Variants in NRG1 observed in about 807,000 individuals in gnomAD.
NRG1 encodes neuregulin 1, also known as pro-neuregulin-1, membrane-bound isoform.
A neutral mutation model predicts 63.8 loss-of-function variants in NRG1; 18 were observed. That is an observed-to-expected ratio of 0.28 (90% CI 0.19 to 0.42). The LOEUF (loss-of-function observed/expected upper bound fraction) is 0.42. Among genes scored for constraint, NRG1 ranks in the 10% least tolerant of loss-of-function variants. The probability of loss-of-function intolerance (pLI) is 1.00; values close to 1 mark genes in which losing one functional copy is unlikely to be tolerated. For synonymous variants in NRG1, 302 were observed against 301.3 expected (o/e 1.00, Z -0.02); for missense variants, 762 against 814.7 (o/e 0.94, Z 0.79).
intron 1 of NRG1, among the ~76,000 whole-genome samples, chr8:32,352,052 C>T (rs1020161614): frequency 1.3e-5 from 2 of 151,746 alleles, no homozygotes; most frequent in African/African-American, 4.8e-5. Flanking sequence ...CATCCAGCTT[C>T]AATCTCTATA....
chr8:32,321,054 A>T (rs1404602165), intron 1 of NRG1, among the ~76,000 whole-genome samples: 1 of 152,152 alleles, frequency 6.6e-6, no homozygotes, highest in Admixed American at 6.5e-5. Flanking sequence ...TCTTCTCAGG[A>T]ATATCCTATG....
At chr8:32,540,674 G>A (rs1220183935) in intron 1 of NRG1, among the ~76,000 whole-genome samples, 1 of 151,982 alleles carries the variant, frequency 6.6e-6, no homozygotes, top group Non-Finnish European at 1.5e-5. Context: ...CATATTCTAG[G>A]CATTCAATTG....
intron 1 of NRG1, among the ~76,000 whole-genome samples, chr8:31,779,181 G>A (rs1173584718): frequency 6.6e-6 from 1 of 152,100 alleles, no homozygotes; most frequent in African/African-American, 2.4e-5. Flanking sequence ...TCTGTTGATT[G>A]GGGTTCATGG....
chr8:32,279,646 C>T (rs1852485940), intron 1 of NRG1, among the ~76,000 whole-genome samples: 1 of 152,198 alleles, frequency 6.6e-6, no homozygotes, highest in African/African-American at 2.4e-5. Flanking sequence ...CCACCACGCC[C>T]GGCCAAGGCT....
At chr8:32,107,444 C>A (rs963063445) in intron 1 of NRG1, among the ~76,000 whole-genome samples, 1 of 152,164 alleles carries the variant, frequency 6.6e-6, no homozygotes, top group Non-Finnish European at 1.5e-5. Context: ...CCCAGCAAAA[C>A]TCCTAGAGAA....
chr8:32,314,339 C>T (rs896156834), intron 1 of NRG1, among the ~76,000 whole-genome samples: 1 of 152,164 alleles, frequency 6.6e-6, no homozygotes, highest in African/African-American at 2.4e-5. Context: ...AAAGTGGAAA[C>T]ATGGATGTCT....
intron 1 of NRG1, among the ~76,000 whole-genome samples, chr8:32,574,749 G>A (rs1839294838): frequency 6.6e-6 from 1 of 152,202 alleles, no homozygotes; most frequent in Admixed American, 6.5e-5. Flanking sequence ...CTGTAGAACT[G>A]TGGGCCAGTT....
At chr8:32,596,040 C>T (rs2129537332) in intron 2 of NRG1, 35 bp downstream of exon 2, 1 of 1,512,618 alleles carries the variant, frequency 6.6e-7, no homozygotes, top group African/African-American at 1.4e-5. Context: ...GAGACTGCCC[C>T]CAGCAATAAG....
chr8:31,705,780 T>C (rs917478899), intron 1 of NRG1, among the ~76,000 whole-genome samples: 1 of 152,208 alleles, frequency 6.6e-6, no homozygotes, highest in Middle Eastern at 3.2e-3. Flanking sequence ...CCACTGAAGC[T>C]ATGTGTATTA....
intron 1 of NRG1, among the ~76,000 whole-genome samples, chr8:31,772,418 C>A (rs897630231): frequency 6.6e-6 from 1 of 152,178 alleles, no homozygotes; most frequent in Non-Finnish European, 1.5e-5. Context: ...CATGCCTTTG[C>A]GGACAGATTC....
At chr8:32,277,746 A>C (rs1385604433) in intron 1 of NRG1, among the ~76,000 whole-genome samples, 1 of 152,196 alleles carries the variant, frequency 6.6e-6, no homozygotes, top group Admixed American at 6.6e-5. Context: ...ATGGTTAAGC[A>C]TTCTGCATAC....
intron 1 of NRG1, among the ~76,000 whole-genome samples, chr8:32,199,305 A>G (rs1056309909): frequency 6.6e-6 from 1 of 152,154 alleles, no homozygotes; most frequent in Non-Finnish European, 1.5e-5. Context: ...AATTCCAGCT[A>G]GATACTTTCT....
At chr8:32,159,537 T>C (rs866987976) in intron 1 of NRG1, among the ~76,000 whole-genome samples, 328 of 125,768 alleles carry the variant, frequency 2.6e-3, no homozygotes, top group African/African-American at 0.012. Context: ...CGAGACTCCG[T>C]CTCAAAAAAA....
At chr8:32,433,390 G>A (rs1011426190) in intron 1 of NRG1, among the ~76,000 whole-genome samples, 2 of 152,130 alleles carry the variant, frequency 1.3e-5, no homozygotes, top group African/African-American at 4.8e-5. Context: ...ATGTCCAGTA[G>A]CAGATCTGTG....
At chr8:32,369,291 G>A (rs1322285496) in intron 1 of NRG1, among the ~76,000 whole-genome samples, 2 of 152,240 alleles carry the variant, frequency 1.3e-5, no homozygotes, top group East Asian at 1.9e-4. Flanking sequence ...ATTGTGCAGT[G>A]TGGGGGAGTC....
intron 1 of NRG1, among the ~76,000 whole-genome samples, chr8:32,067,794 A>G (rs995980822): frequency 3.5e-4 from 54 of 152,236 alleles, no homozygotes; most frequent in African/African-American, 1.3e-3. Context: ...ACGATTACTA[A>G]GAAAATATAA....
intron 10 of NRG1, 109 bp downstream of exon 10, chr8:32,759,545 G>A (rs1830323832): frequency 5.3e-6 from 7 of 1,328,604 alleles, no homozygotes; most frequent in African/African-American, 1.5e-5. Flanking sequence ...TGGTCTTTGG[G>A]CAGCAACAGA....
chr8:32,237,289 A>G (rs1847663000), intron 1 of NRG1, among the ~76,000 whole-genome samples: 1 of 152,132 alleles, frequency 6.6e-6, no homozygotes, highest in South Asian at 2.1e-4. Context: ...TGCTAGATAT[A>G]TTTCGTGAAA....
intron 1 of NRG1, among the ~76,000 whole-genome samples, chr8:32,487,773 G>C (rs1405861157): frequency 1.3e-5 from 2 of 152,156 alleles, no homozygotes; most frequent in Admixed American, 6.5e-5. Flanking sequence ...CTACACGTTA[G>C]AGTCTTAAGG....
Sources: gnomAD v4.1 joint callset for allele counts (sites outside exome capture counted in the v4.1 genomes callset) on GRCh38, gnomAD v4.1.1 for gene constraint, MANE v1.5 for transcripts, NCBI Gene and HGNC (gene_info 2026-07-23, HGNC 2026-07-21) for gene names.